GTPBP2: variants seen among roughly 807,000 people sequenced by gnomAD.
The protein encoded by GTPBP2 is GTP-binding protein 2.
A neutral mutation model predicts 63.0 loss-of-function variants in GTPBP2; 32 were observed. That is an observed-to-expected ratio of 0.51 (90% CI 0.38 to 0.68). GTPBP2 has a LOEUF of 0.68. Among genes scored for constraint, GTPBP2 ranks in the 30% least tolerant of loss-of-function variants. The probability of loss-of-function intolerance (pLI) is 0.00; values close to 1 mark genes in which losing one functional copy is unlikely to be tolerated. For synonymous variants in GTPBP2, 310 were observed against 322.6 expected (o/e 0.96, Z 0.42); for missense variants, 492 against 796.9 (o/e 0.62, Z 4.61).
rs1582349313 is a variant in GTPBP2 at position 43,625,698 on chromosome 6, C to A, written c.507+58G>T. ...GGATCCCAGGCCAGGAGACAGCCTG[C>A]CACCACAGGGCCCTTCCACAGTGTG... On this transcript the variant is annotated intron_variant, in intron 4 of 11. Transcript: ENST00000307126. The surrounding 1 kb of genome is among the most constrained non-coding windows in gnomAD (Gnocchi z 5.1). 5 of 1,456,940 alleles carry A rather than the reference C, an allele frequency of 3.4e-6. No homozygotes were observed. The highest frequency in any genetic ancestry group is 1.9e-6 in the Non-Finnish European group (2 of 1,036,674). The allele number at this position is 1,456,940 out of a possible 1,614,324, so 90.3% of individuals were successfully genotyped here. A position where few individuals can be genotyped will look rare whatever the true frequency, so the allele number is the denominator to read the frequency against.
chr6:43,627,036 T>G, intron 1 of GTPBP2, 88 bp from the exon 2 acceptor site: 1 of 1,234,448 alleles, frequency 8.1e-7, no homozygotes, highest in South Asian at 1.3e-5. Context: ...GGTAGCTAAC[T>G]TGAGAAAGCA....
At chr6:43,628,917 C>G (rs776146208) in intron 1 of GTPBP2, 60 bp downstream of exon 1, 2 of 1,546,524 alleles carry the variant, frequency 1.3e-6, no homozygotes, top group African/African-American at 2.7e-5. Context: ...TCCCGCCTCC[C>G]TAGAGTCCTG....
At position 43,629,246 on chromosome 6, in the gene GTPBP2, C is replaced by G. The variant is rs1402324748; in HGVS notation, c.-84G>C. On this transcript the variant is annotated 5_prime_UTR_variant, in exon 1 of 12. Coordinates refer to ENST00000307126, the MANE Select transcript of GTPBP2 (RefSeq NM_019096.5). ...CCGCCCTTACTGCCACTGCCGTGTC[C>G]GGCCGGCCTGAGCAGAGTGGGGTGG... is the stretch of plus-strand genomic sequence containing the variant. 1 of 1,047,290 alleles carries G rather than the reference C, an allele frequency of 9.5e-7. No homozygotes were observed. Among genetic ancestry groups the G allele is most frequent in the Non-Finnish European group, 1.3e-6 (1 of 792,898 alleles). 64.9% of individuals were successfully genotyped at this position (1,047,290 alleles called of 1,614,324 possible).
At chr6:43,630,866 G>C (rs969284519), upstream of GTPBP2, among the ~76,000 whole-genome samples, 2 of 135,742 alleles carry the variant, frequency 1.5e-5, no homozygotes, top group African/African-American at 3.0e-5. Context: ...CTGAGATCAT[G>C]CCACTGCACT....
chr6:43,628,470 CTGTGTGTGTGTGTGTGTGTGTGTG>C, intron 1 of GTPBP2: 4 of 431,906 alleles, frequency 9.3e-6, no homozygotes, highest in Non-Finnish European at 1.2e-5. Context: ...CTGGCTTAGG[CTGTGTGTGTGTGTGTGTGTGTGTG>C]TGTGTGTGTG....
intron 1 of GTPBP2, chr6:43,628,553 G>A (rs1396584532): frequency 3.9e-5 from 38 of 982,962 alleles, no homozygotes; most frequent in Non-Finnish European, 1.2e-6. Flanking sequence ...TGTCCGTGTG[G>A]AACATATTGC....
Position 43,629,061 on chromosome 6 carries a change from G to C in GTPBP2, c.102C>G (p.Ser34Arg), listed in dbSNP as rs1442821768. The C allele has an allele frequency of 8.7e-6, 14 of 1,607,772 alleles. No individual in the cohort carries two copies. Among genetic ancestry groups the C allele is most frequent in the Admixed American group, 1.7e-5 (1 of 59,190 alleles). ...TLKARGAGSS[S>R]GCGGPKGKKK... ...TCTTTCCCTTTGGCCCCCCGCAGCC[G>C]CTGCTGCTGCCGGCCCCCCTAGCCT... The change falls in exon 1 of 12, where the codon AGC (serine) becomes AGG (arginine). Residue 34 changes from serine to arginine, a missense_variant. By Grantham distance (110) the Ser-to-Arg change is moderately radical. Around this residue, in one of 2 missense-constraint regions of GTPBP2, gnomAD observed 92 missense variants for 86.1 expected, o/e 1.07. Coordinates refer to ENST00000307126, the MANE Select transcript of GTPBP2 (RefSeq NM_019096.5).
intron 9 of GTPBP2, 192 bp downstream of exon 9, chr6:43,623,545 A>G: frequency 1.6e-6 from 1 of 607,574 alleles, no homozygotes; most frequent in Non-Finnish European, 2.9e-6. Flanking sequence ...ATAGGCAGCA[A>G]TACTGTTTCT....
chr6:43,629,278 G>T, upstream of GTPBP2: 1 of 782,536 alleles, frequency 1.3e-6, no homozygotes, highest in Non-Finnish European at 1.8e-6. Context: ...GTGGGGCTCT[G>T]CACAAGCTAC....
At position 43,625,785 on chromosome 6, in the gene GTPBP2, G is replaced by A. The variant is rs770367233; in HGVS notation, c.478C>T (p.Leu160=). 5.0e-6 allele frequency: 8 copies of A among 1,613,756 alleles called. No individual in the cohort carries two copies. The highest frequency in any genetic ancestry group is 1.1e-5 in the South Asian group (1 of 91,080). ...TGGTTGTCAGGGACCTTTCGTACTA[G>A]CACCTCGGTGATCTTCCGGGGCATG... is the stretch of plus-strand genomic sequence containing the variant. The part of the protein sequence containing the change: ...SDMPRKITEV[L]VRKVPDNQQF... The change falls in exon 4 of 12, where the codon CTA becomes TTA. Residue 160 remains leucine, a synonymous_variant. Transcript: ENST00000307126. This position sits in a 1 kb window ranked among gnomAD's most constrained non-coding sequence, Gnocchi z 5.1.
intron 1 of GTPBP2, chr6:43,628,644 T>A: frequency 1.0e-6 from 1 of 956,058 alleles, no homozygotes; most frequent in Non-Finnish European, 1.5e-6. Context: ...CGTCCCAGGA[T>A]GCAGTCTCTC....
chr6:43,627,989 C>T (rs1323813137), intron 1 of GTPBP2, among the ~76,000 whole-genome samples: 4 of 152,196 alleles, frequency 2.6e-5, no homozygotes, highest in Non-Finnish European at 4.4e-5. Flanking sequence ...AAGTGAGGTC[C>T]TGGGACCAGC....
rs753044684 is a variant in GTPBP2, at chr6:43,622,654, A to G, written c.1446T>C (p.Phe482=). Residue 482 remains phenylalanine (F), a synonymous_variant, in exon 10 of 12, where the codon TTT becomes TTC. Coordinates refer to ENST00000307126, the MANE Select transcript of GTPBP2 (RefSeq NM_019096.5). The surrounding 1 kb of genome is among the most constrained non-coding windows in gnomAD (Gnocchi z 5.4). ...TCACCTTGCGAAGCAGTGCACGGTC[A>G]AAGTCCCCAAGCGCCAGTGTAGCAG... ...GQAATLALGD[F]DRALLRKGMV... 1.8e-5 allele frequency: 29 copies of G among 1,613,290 alleles called. No homozygotes were observed. The highest frequency in any genetic ancestry group is 6.6e-5 in the South Asian group (6 of 91,056).
chr6:43,629,828 T>C, upstream of GTPBP2: 3 of 1,535,332 alleles, frequency 2.0e-6, no homozygotes, highest in Non-Finnish European at 2.6e-6. Flanking sequence ...TTACGGCTGT[T>C]ATTGTTGGGA....
chr6:43,629,810 T>G (rs1160620578), upstream of GTPBP2: 19 of 1,555,490 alleles, frequency 1.2e-5, no homozygotes, highest in Non-Finnish European at 1.6e-5. Flanking sequence ...GGATGGTGAT[T>G]AGCCAAATTA....
intron 1 of GTPBP2, 149 bp downstream of exon 1, chr6:43,628,828 G>A (rs1769658135): frequency 1.1e-6 from 1 of 909,062 alleles, no homozygotes; most frequent in African/African-American, 1.6e-5. Context: ...TGGGGTCCCG[G>A]GACCTGAAAG....
Position 43,624,961 on chromosome 6 carries a change from G to A in GTPBP2, c.807C>T (p.His269=), listed in dbSNP as rs1769178375. The A allele has an allele frequency of 6.2e-7, 1 of 1,614,068 alleles. No homozygotes were observed. The highest frequency in any genetic ancestry group is 2.2e-5 in the East Asian group (1 of 44,866). ...ATGATGTGAGGCCAAAGATGGTGGT[G>A]TGTAGGTACTTATGGTGGCCTGCCA... ...IDLAGHHKYL[H]TTIFGLTSYC... Residue 269 remains histidine (H), a synonymous_variant, in exon 6 of 12, where the codon CAC becomes CAT. Coordinates refer to ENST00000307126, the MANE Select transcript of GTPBP2 (RefSeq NM_019096.5). This position sits in a 1 kb window ranked among gnomAD's most constrained non-coding sequence, Gnocchi z 5.1.
chr6:43,629,793 C>G, upstream of GTPBP2: 5 of 1,562,792 alleles, frequency 3.2e-6, no homozygotes, highest in Non-Finnish European at 4.3e-6. Flanking sequence ...AACGCCAGGG[C>G]GGAGGCGGAT....
intron 11 of GTPBP2, 96 bp from the exon 12 acceptor site, chr6:43,621,886 T>C (rs754645630): frequency 6.2e-7 from 1 of 1,602,208 alleles, no homozygotes; most frequent in Admixed American, 1.7e-5. Flanking sequence ...ATCAGGCCGC[T>C]ACCCACCCTA....
Sources: allele counts gnomAD v4.1 joint callset (sites outside exome capture counted in the v4.1 genomes callset), GRCh38; gene constraint gnomAD v4.1.1; regional missense constraint gnomAD v4.1.1; non-coding constraint Gnocchi (gnomAD v3.1); transcripts MANE v1.5; gene names NCBI Gene and HGNC (gene_info 2026-07-23, HGNC 2026-07-21).